The following SLC24A2 variants were observed in gnomAD, a reference collection of about 807,000 sequenced individuals.
SLC24A2 encodes the protein sodium/potassium/calcium exchanger 2.
In SLC24A2, 36 loss-of-function variants were observed where a neutral mutation model predicts 62.0. The observed-to-expected ratio is 0.58, with a 90% CI of 0.44 to 0.77. SLC24A2 has a LOEUF of 0.77. Among genes scored for constraint, SLC24A2 ranks in the 30% least tolerant of loss-of-function variants. SLC24A2 has a pLI of 0.00. For synonymous variants in SLC24A2, 358 were observed against 294.0 expected, an observed-to-expected ratio of 1.22 and a Z score of -2.23; for missense variants, 846 against 817.9, an observed-to-expected ratio of 1.03 and a Z score of -0.42.
the SLC24A2 span, among the ~76,000 whole-genome samples, chr9:19,907,161 G>A: frequency 1.3e-5 from 2 of 152,258 alleles, no homozygotes; most frequent in South Asian, 2.1e-4. Context: ...GGGATGCAAG[G>A]CTGGTTCAAC....
the SLC24A2 span, among the ~76,000 whole-genome samples, chr9:19,950,242 G>C: frequency 1.3e-5 from 2 of 152,094 alleles, no homozygotes; most frequent in African/African-American, 4.8e-5. Context: ...AATTATATCA[G>C]GTAATATAAG....
At chr9:19,889,474 A>T in the SLC24A2 span, among the ~76,000 whole-genome samples, 1 of 152,006 alleles carries the variant, frequency 6.6e-6, no homozygotes, top group Non-Finnish European at 1.5e-5. Flanking sequence ...GTTCCAAAAC[A>T]GTCCATAGGC....
At chr9:20,241,737 G>C in the SLC24A2 span, among the ~76,000 whole-genome samples, 3 of 152,112 alleles carry the variant, frequency 2.0e-5, no homozygotes, top group African/African-American at 7.2e-5. Flanking sequence ...CCAGCCTAAG[G>C]CTGAGTAGAG....
In SLC24A2 at chr9:19,731,839, A is replaced by C. The variant is rs565583920; in HGVS notation, c.930+54098T>G. ...ACTTTTCTTTGCACAGCAACCTGTT[A>C]GCAGGACCTCACACATACTGGAACT... is the stretch of plus-strand genomic sequence containing the variant. On this transcript the variant is annotated intron_variant, in intron 2 of 10. Coordinates refer to ENST00000341998, the MANE Select transcript of SLC24A2 (RefSeq NM_020344.4). Among the ~76,000 whole-genome samples, 5 of 152,352 alleles carry C rather than the reference A, an allele frequency of 3.3e-5. No individual in the cohort carries two copies. In the South Asian group the frequency reaches 1.0e-3, roughly 32 times the overall value.
Position 19,524,137 on chromosome 9 carries a change from CAAAA to C in SLC24A2, c.1570-3081_1570-3078del, listed in dbSNP as rs57173482. The stretch of plus-strand genomic sequence containing the variant: ...CTTTTGGGGGAAATTACTTCATTTT[CAAAA>C]AAAAAAAAAAAAAAAAAAGCAAATT... On this transcript the variant is annotated intron_variant, in intron 9 of 10. Coordinates refer to ENST00000341998, the MANE Select transcript of SLC24A2 (RefSeq NM_020344.4). 4.1e-3 allele frequency among the ~76,000 whole-genome samples: 349 copies of C among 84,708 alleles called. 2 individuals carry two copies. The highest frequency in any genetic ancestry group is 0.014 in the African/African-American group (308 of 21,712). 55.6% of individuals were successfully genotyped at this position (84,708 alleles called of 152,430 possible).
At chr9:20,184,333 G>T in the SLC24A2 span, among the ~76,000 whole-genome samples, 1 of 152,062 alleles carries the variant, frequency 6.6e-6, no homozygotes, top group Non-Finnish European at 1.5e-5. Flanking sequence ...GGCAGACCAC[G>T]AGATCAAGAG....
the SLC24A2 span, among the ~76,000 whole-genome samples, chr9:20,037,848 C>T: frequency 1.3e-5 from 2 of 152,238 alleles, no homozygotes; most frequent in South Asian, 2.1e-4. Context: ...AAACATTCCA[C>T]AAGGAAGAGC....
chr9:20,029,000 A>G, the SLC24A2 span, among the ~76,000 whole-genome samples: 1 of 152,164 alleles, frequency 6.6e-6, no homozygotes, highest in Admixed American at 6.5e-5. Flanking sequence ...TTTATTGTGG[A>G]GGCTACTTGA....
chr9:19,697,753 CA>C (rs1457125836), intron 2 of SLC24A2, among the ~76,000 whole-genome samples: 2 of 152,126 alleles, frequency 1.3e-5, no homozygotes, highest in Non-Finnish European at 2.9e-5. Context: ...AAAGAAGACA[CA>C]ATTCATACTT....
intron 2 of SLC24A2, among the ~76,000 whole-genome samples, chr9:19,753,261 C>G (rs997753758): frequency 6.6e-6 from 1 of 152,198 alleles, no homozygotes; most frequent in Non-Finnish European, 1.5e-5. Context: ...CAGTGCTCCA[C>G]CAGGCAGCAC....
chr9:20,264,623 C>T, the SLC24A2 span, among the ~76,000 whole-genome samples: 8 of 152,174 alleles, frequency 5.3e-5, no homozygotes, highest in Admixed American at 2.0e-4. Flanking sequence ...TGGGTTCCTC[C>T]TCTGGAAGAT....
chr9:20,041,310 G>C, the SLC24A2 span, among the ~76,000 whole-genome samples: 1 of 152,228 alleles, frequency 6.6e-6, no homozygotes, highest in Admixed American at 6.5e-5. Flanking sequence ...ACTTCTTCCT[G>C]TAGGAAGTGT....
the SLC24A2 span, among the ~76,000 whole-genome samples, chr9:20,148,282 A>G: frequency 6.6e-6 from 1 of 152,130 alleles, no homozygotes; most frequent in African/African-American, 2.4e-5. Context: ...ATGACATAGA[A>G]TGGTCAATGA....
intron 2 of SLC24A2, among the ~76,000 whole-genome samples, chr9:19,711,856 T>C (rs564942487): frequency 2.0e-5 from 3 of 152,050 alleles, no homozygotes; most frequent in East Asian, 1.9e-4. Flanking sequence ...TGAGGAGAAA[T>C]GATACAAACT....
chr9:19,707,010 A>C (rs1233725589), intron 2 of SLC24A2, among the ~76,000 whole-genome samples: 3 of 152,048 alleles, frequency 2.0e-5, no homozygotes, highest in Non-Finnish European at 4.4e-5. Context: ...GACCGCTAGC[A>C]AGACTAATAA....
At chr9:20,104,702 C>T in the SLC24A2 span, among the ~76,000 whole-genome samples, 3 of 152,144 alleles carry the variant, frequency 2.0e-5, no homozygotes, top group African/African-American at 2.4e-5. Flanking sequence ...GAAGGAAGCA[C>T]TAAACATGGA....
At chr9:19,658,109 G>A (rs1395530622) in intron 2 of SLC24A2, among the ~76,000 whole-genome samples, 3 of 152,164 alleles carry the variant, frequency 2.0e-5, no homozygotes, top group African/African-American at 7.2e-5. Flanking sequence ...AATTACCTCA[G>A]CCTTTGCCCA....
At chr9:19,894,375 C>T in the SLC24A2 span, among the ~76,000 whole-genome samples, 8 of 152,138 alleles carry the variant, frequency 5.3e-5, no homozygotes, top group Non-Finnish European at 1.2e-4. Flanking sequence ...TTTTTTGCTC[C>T]CCCAGCATTT....
At chr9:20,101,802 C>A in the SLC24A2 span, among the ~76,000 whole-genome samples, 2 of 151,990 alleles carry the variant, frequency 1.3e-5, no homozygotes, top group African/African-American at 4.8e-5. Flanking sequence ...GAGGAACTTA[C>A]CTTAAGGGAA....
Sources: allele counts gnomAD v4.1 joint callset (sites outside exome capture counted in the v4.1 genomes callset), GRCh38; gene constraint gnomAD v4.1.1; transcripts MANE v1.5; gene names NCBI Gene and HGNC (gene_info 2026-07-23, HGNC 2026-07-21).